MARK4: variants seen among roughly 807,000 people sequenced by gnomAD.
The protein encoded by MARK4 is MAP/microtubule affinity-regulating kinase 4.
A neutral mutation model predicts 81.5 loss-of-function variants in MARK4; 19 were observed. The ratio of observed to expected loss-of-function variants is 0.23; its 90% CI spans 0.16 to 0.34. The LOEUF is 0.34. MARK4 is among the 10% of genes least tolerant of loss of function. The probability of loss-of-function intolerance (pLI) is 1.00; values close to 1 mark genes in which losing one functional copy is unlikely to be tolerated. For synonymous variants in MARK4, 436 were observed against 439.0 expected (o/e 0.99, Z 0.08); for missense variants, 772 against 1,058.8 (o/e 0.73, Z 3.76).
chr19:45,253,213 AT>A (rs1291821479), intron 1 of MARK4, among the ~76,000 whole-genome samples: 1 of 146,842 alleles, frequency 6.8e-6, no homozygotes, highest in Non-Finnish European at 1.5e-5. Context: ...CATCAGAGAG[AT>A]TTATATCTGT....
At chr19:45,278,695 C>T in intron 10 of MARK4, 80 bp downstream of exon 10, 2 of 1,072,060 alleles carry the variant, frequency 1.9e-6, no homozygotes, top group East Asian at 2.5e-5. Context: ...CCTCCGCCTC[C>T]CAGAATCAAG....
At chr19:45,294,583 C>A in intron 14 of MARK4, 131 bp downstream of exon 14, 2 of 765,924 alleles carry the variant, frequency 2.6e-6, no homozygotes, top group Non-Finnish European at 4.3e-6. Context: ...ATCTGCCCTG[C>A]CCTTGGCAGA....
At chr19:45,268,723 T>G (rs1306138294) in intron 7 of MARK4, among the ~76,000 whole-genome samples, 1 of 151,754 alleles carries the variant, frequency 6.6e-6, no homozygotes, top group Non-Finnish European at 1.5e-5. Flanking sequence ...CCAACCTGGG[T>G]AACAGAGCAA....
intron 13 of MARK4, among the ~76,000 whole-genome samples, chr19:45,292,595 G>T (rs1041361893): frequency 6.6e-6 from 1 of 151,964 alleles, no homozygotes. Context: ...AAGTAGAAGG[G>T]ACCGGAATTG....
intron 12 of MARK4, among the ~76,000 whole-genome samples, chr19:45,282,559 G>A (rs917201369): frequency 6.6e-6 from 1 of 152,030 alleles, no homozygotes; most frequent in Non-Finnish European, 1.5e-5. Flanking sequence ...CAGGCACAGC[G>A]GCTCACGCCT....
At chr19:45,300,025 AC>A (rs1970946818) in intron 16 of MARK4, among the ~76,000 whole-genome samples, 170 bp downstream of exon 16, 1 of 151,586 alleles carries the variant, frequency 6.6e-6, no homozygotes. Context: ...TTCCCACCCA[AC>A]CCCAAGCACC....
chr19:45,267,042 G>C (rs116565278), intron 7 of MARK4, among the ~76,000 whole-genome samples: 2,399 of 151,634 alleles, frequency 0.016, 78 homozygotes, highest in African/African-American at 0.055. Flanking sequence ...GGGAATCTGA[G>C]AACTTAAGAA....
At chr19:45,268,540 C>T (rs912227853) in intron 7 of MARK4, among the ~76,000 whole-genome samples, 1 of 150,132 alleles carries the variant, frequency 6.7e-6, no homozygotes, top group Non-Finnish European at 1.5e-5. Context: ...GCCAAGATCG[C>T]GCCAGTGCAC....
chr19:45,259,976 G>T (rs1167361875), intron 2 of MARK4, among the ~76,000 whole-genome samples: 3 of 151,520 alleles, frequency 2.0e-5, no homozygotes, highest in Non-Finnish European at 4.4e-5. Context: ...AATCTCAGCT[G>T]CTCAGTAGGC....
rs1229116446 is a variant in MARK4 at position 45,251,550 on chromosome 19, C to A, written c.-39C>A. 1.8e-6 allele frequency: 1 copy of A among 567,396 alleles called. No individual in the cohort carries two copies. 35.1% of individuals were successfully genotyped at this position (567,396 alleles called of 1,614,324 possible). A position where few individuals can be genotyped will look rare whatever the true frequency, so the allele number is the denominator to read the frequency against. ...GAGGGGACCCTGGGACCCCCGCCCC[C>A]CCCACCCGGCCGCCCCTGCCCCCCG... is the stretch of plus-strand genomic sequence containing the variant. On this transcript the variant is annotated 5_prime_UTR_variant, in exon 1 of 17. Coordinates refer to ENST00000262891, the MANE Select transcript of MARK4 (RefSeq NM_001199867.2).
chr19:45,270,397 C>T (rs1011378008), intron 7 of MARK4, among the ~76,000 whole-genome samples: 2 of 152,070 alleles, frequency 1.3e-5, no homozygotes, highest in African/African-American at 4.8e-5. Context: ...GTCCACAGAG[C>T]CCAGTGCATG....
chr19:45,257,922 C>T (rs1301885122), intron 1 of MARK4, among the ~76,000 whole-genome samples: 1 of 151,194 alleles, frequency 6.6e-6, no homozygotes, highest in Non-Finnish European at 1.5e-5. Context: ...ATCTCCTGAC[C>T]TCGTGATCTG....
At chr19:45,265,714 G>A (rs1442254298) in intron 6 of MARK4, among the ~76,000 whole-genome samples, 2 of 151,198 alleles carry the variant, frequency 1.3e-5, no homozygotes, top group Non-Finnish European at 1.5e-5. Context: ...GGGGCATGAG[G>A]GGTAAGAAGA....
chr19:45,283,876 C>T (rs1188924940), intron 12 of MARK4, among the ~76,000 whole-genome samples: 4 of 152,076 alleles, frequency 2.6e-5, no homozygotes, highest in East Asian at 1.9e-4. Context: ...CAACTCTGTT[C>T]GTTTTACAGC....
At chr19:45,281,283 A>G (rs984641763) in intron 12 of MARK4, among the ~76,000 whole-genome samples, 1 of 150,048 alleles carries the variant, frequency 6.7e-6, no homozygotes, top group African/African-American at 2.5e-5. Context: ...TGAACTCCTG[A>G]CCTCGTGATC....
intron 15 of MARK4, chr19:45,298,190 C>T (rs149747907): frequency 1.0e-4 from 169 of 1,614,094 alleles, no homozygotes; most frequent in Non-Finnish European, 1.3e-4. Flanking sequence ...CGCTGTGTTT[C>T]GGGCGCCTCT....
intron 1 of MARK4, among the ~76,000 whole-genome samples, chr19:45,256,906 T>C (rs1970314154): frequency 1.3e-5 from 2 of 152,212 alleles, no homozygotes; most frequent in South Asian, 4.1e-4. Context: ...TCAAACTTTT[T>C]CATCATTATT....
At chr19:45,282,164 A>G (rs1970683726) in intron 12 of MARK4, among the ~76,000 whole-genome samples, 2 of 151,372 alleles carry the variant, frequency 1.3e-5, no homozygotes, top group Non-Finnish European at 2.9e-5. Context: ...CGGAGGTTGC[A>G]GTGAGCCGAG....
intron 1 of MARK4, among the ~76,000 whole-genome samples, chr19:45,256,457 C>G (rs1970309287): frequency 6.6e-6 from 1 of 152,096 alleles, no homozygotes; most frequent in Non-Finnish European, 1.5e-5. Context: ...AAAAATAAGA[C>G]TTGGTTACAA....
Sources: gnomAD v4.1 joint callset for allele counts (sites outside exome capture counted in the v4.1 genomes callset) on GRCh38, gnomAD v4.1.1 for gene constraint, MANE v1.5 for transcripts, NCBI Gene and HGNC (gene_info 2026-07-23, HGNC 2026-07-21) for gene names.